ARHGAP26: variants seen among roughly 807,000 people sequenced by gnomAD.
ARHGAP26 encodes the protein rho GTPase-activating protein 26.
Under a neutral mutation model 104.8 loss-of-function variants are expected in ARHGAP26, and 38 were observed. The observed-to-expected ratio is 0.36, with a 90% CI of 0.28 to 0.48. ARHGAP26 has a LOEUF of 0.48. ARHGAP26 is among the 20% of genes least tolerant of loss of function. The pLI is 0.99. For synonymous variants in ARHGAP26, 341 were observed against 340.0 expected (o/e 1.00, Z -0.03); for missense variants, 704 against 947.9 (o/e 0.74, Z 3.38).
intron 20 of ARHGAP26, chr5:143,169,777 G>A (rs889841111): frequency 1.3e-5 from 2 of 152,174 alleles, no homozygotes; most frequent in Non-Finnish European, 2.9e-5. Flanking sequence ...AGCCACAGAT[G>A]TCACTACACT....
chr5:142,793,964 G>A (rs7721397), intron 1 of ARHGAP26, among the ~76,000 whole-genome samples: 5 of 152,164 alleles, frequency 3.3e-5, no homozygotes, highest in African/African-American at 1.2e-4. Context: ...CCATGGTGAG[G>A]GAGAGAAGAA....
At chr5:142,949,613 T>C (rs1008896418) in intron 11 of ARHGAP26, among the ~76,000 whole-genome samples, 3 of 152,170 alleles carry the variant, frequency 2.0e-5, no homozygotes, top group Non-Finnish European at 2.9e-5. Flanking sequence ...TACCATGTAG[T>C]TGACTTTGTC....
intron 11 of ARHGAP26, among the ~76,000 whole-genome samples, chr5:142,953,189 C>T (rs1238242600): frequency 1.3e-5 from 2 of 152,190 alleles, no homozygotes; most frequent in Non-Finnish European, 1.5e-5. Context: ...TCATTCTTGA[C>T]ATACAAGGGA....
intron 10 of ARHGAP26, among the ~76,000 whole-genome samples, chr5:142,923,026 A>T (rs1418564760): frequency 6.6e-6 from 1 of 152,010 alleles, no homozygotes; most frequent in Non-Finnish European, 1.5e-5. Flanking sequence ...TGTTCTGTAA[A>T]ATAAGTTAGT....
chr5:143,160,794 G>A (rs1801135788), intron 20 of ARHGAP26, among the ~76,000 whole-genome samples: 1 of 152,072 alleles, frequency 6.6e-6, no homozygotes, highest in Non-Finnish European at 1.5e-5. Context: ...TATTTTAAGT[G>A]AAAATGAAAT....
At chr5:143,207,615 T>A (rs1425826429) in intron 21 of ARHGAP26, 2 of 1,039,178 alleles carry the variant, frequency 1.9e-6, no homozygotes, top group Non-Finnish European at 2.8e-6. Context: ...AGCATGGCAT[T>A]TTTCACACCC....
chr5:143,209,458 G>A (rs1472988700), intron 21 of ARHGAP26, among the ~76,000 whole-genome samples: 1 of 152,076 alleles, frequency 6.6e-6, no homozygotes, highest in Non-Finnish European at 1.5e-5. Flanking sequence ...GCACTATTTG[G>A]ACACCCTTTA....
intron 1 of ARHGAP26, among the ~76,000 whole-genome samples, chr5:142,820,224 C>T (rs1046496504): frequency 1.3e-5 from 2 of 152,096 alleles, no homozygotes; most frequent in Non-Finnish European, 2.9e-5. Flanking sequence ...TCAGGAGACC[C>T]CAACGTTGAG....
chr5:143,205,564 A>G (rs1485347638), intron 20 of ARHGAP26, among the ~76,000 whole-genome samples: 2 of 152,234 alleles, frequency 1.3e-5, no homozygotes, highest in African/African-American at 2.4e-5. Flanking sequence ...TTCTAATGCT[A>G]TGACTGAGTC....
intron 11 of ARHGAP26, among the ~76,000 whole-genome samples, chr5:142,955,422 T>C (rs1769091168): frequency 6.6e-6 from 1 of 152,202 alleles, no homozygotes; most frequent in Non-Finnish European, 1.5e-5. Flanking sequence ...GGTGATGTGC[T>C]GTGATGGGCC....
chr5:143,110,193 G>A (rs1794603111), intron 17 of ARHGAP26, among the ~76,000 whole-genome samples: 1 of 152,142 alleles, frequency 6.6e-6, no homozygotes, highest in Admixed American at 6.6e-5. Context: ...CATGCTGGCT[G>A]TTTCATCATA....
rs146268741 is a variant in ARHGAP26, at chr5:143,210,610, T to C, written c.2099+3302T>C. Among the ~76,000 whole-genome samples the C allele has an allele frequency of 2.3e-4, 35 of 152,302 alleles. No homozygotes were observed. In the East Asian group the frequency reaches 6.8e-3, roughly 29 times the overall value. On this transcript the variant is annotated intron_variant, in intron 21 of 22. Coordinates refer to ENST00000645722, the MANE Select transcript of ARHGAP26 (RefSeq NM_001135608.3). ...CTCACCCCTCCCCCAAAAAAGCCGA[T>C]AGCCCCAAACCCGTAACTTGCATTT...
At chr5:143,155,818 T>G (rs960876641) in intron 20 of ARHGAP26, among the ~76,000 whole-genome samples, 1 of 152,242 alleles carries the variant, frequency 6.6e-6, no homozygotes, top group Admixed American at 6.5e-5. Flanking sequence ...AACTTATAAA[T>G]CTTGCTAAAT....
At chr5:143,189,492 AC>A (rs1277102698) in intron 20 of ARHGAP26, among the ~76,000 whole-genome samples, 1 of 152,134 alleles carries the variant, frequency 6.6e-6, no homozygotes, top group African/African-American at 2.4e-5. Context: ...AGCTCTTAAT[AC>A]CACCTAAAAT....
intron 11 of ARHGAP26, among the ~76,000 whole-genome samples, chr5:142,967,404 C>G (rs1289533777): frequency 6.6e-6 from 1 of 152,188 alleles, no homozygotes; most frequent in African/African-American, 2.4e-5. Flanking sequence ...AACCTAGCAC[C>G]TAGCACAATG....
intron 1 of ARHGAP26, among the ~76,000 whole-genome samples, chr5:142,780,810 G>C (rs1220656388): frequency 6.6e-6 from 1 of 152,186 alleles, no homozygotes; most frequent in Non-Finnish European, 1.5e-5. Context: ...TGGTCTAGGG[G>C]ACACGTTGCC....
At position 142,889,018 on chromosome 5, in the gene ARHGAP26, A is replaced by G. The variant is rs533270911; in HGVS notation, c.486+3619A>G. Among the ~76,000 whole-genome samples the G allele has an allele frequency of 1.2e-4, 18 of 152,330 alleles. No individual in the cohort carries two copies. In the South Asian group the frequency reaches 3.7e-3, roughly 32 times the overall value. The stretch of plus-strand genomic sequence containing the variant: ...TTATAATTCCATTGCAGGGGGCCCA[A>G]GGATGTGATGGATTCTGTGGCCCAC... On this transcript the variant is annotated intron_variant, in intron 5 of 22. Transcript: ENST00000645722.
intron 1 of ARHGAP26, among the ~76,000 whole-genome samples, chr5:142,861,973 T>C (rs1342989120): frequency 6.6e-6 from 1 of 152,170 alleles, no homozygotes; most frequent in Non-Finnish European, 1.5e-5. Flanking sequence ...AGTGCAGGGG[T>C]TTCTGATCCT....
intron 6 of ARHGAP26, among the ~76,000 whole-genome samples, chr5:142,899,802 TA>T (rs912257206): frequency 1.2e-4 from 18 of 151,782 alleles, no homozygotes; most frequent in African/African-American, 2.9e-4. Flanking sequence ...TCATTTCCCA[TA>T]AAAAAATGGA....
Sources: gnomAD v4.1 joint callset for allele counts (sites outside exome capture counted in the v4.1 genomes callset) on GRCh38, gnomAD v4.1.1 for gene constraint, MANE v1.5 for transcripts, NCBI Gene and HGNC (gene_info 2026-07-23, HGNC 2026-07-21) for gene names.